SLC14A2: variants seen among roughly 807,000 people sequenced by gnomAD.
SLC14A2 encodes urea transporter 2.
A neutral mutation model predicts 104.6 loss-of-function variants in SLC14A2; 91 were observed. The observed-to-expected ratio is 0.87, with a 90% CI of 0.73 to 1.04. The LOEUF (loss-of-function observed/expected upper bound fraction) is 1.04. Ranked by LOEUF, SLC14A2 falls within the 50% of genes least tolerant of loss-of-function variation. The pLI, the probability that SLC14A2 is intolerant of heterozygous loss-of-function variation, is 0.00. For synonymous variants in SLC14A2, 476 were observed against 466.4 expected, an observed-to-expected ratio of 1.02 and a Z score of -0.27; for missense variants, 1,189 against 1,156.0, an observed-to-expected ratio of 1.03 and a Z score of -0.41.
rs1343770151 is a variant in SLC14A2 at position 45,637,053 on chromosome 18, G to A, written c.714G>A (p.Leu238=). The A allele has an allele frequency of 1.2e-6, 2 of 1,614,182 alleles. No homozygotes were observed. Among genetic ancestry groups the A allele is most frequent in the South Asian group, 1.1e-5 (1 of 91,082 alleles). The change falls in exon 6 of 20, where the codon CTG becomes CTA. Residue 238 remains leucine (L), a synonymous_variant. Coordinates refer to ENST00000255226, the MANE Select transcript of SLC14A2 (RefSeq NM_007163.4). Reference sequence around the variant, plus strand: ...AGTGGGACCTCCCGGTCTTCACTCTGCCCTTCAACATTGCAGTCACCTTGT... The same window carrying A: ...AGTGGGACCTCCCGGTCTTCACTCTACCCTTCAACATTGCAGTCACCTTGT... ...FSKWDLPVFT[L]PFNIAVTLYL...
chr18:45,366,893 C>T (rs926612642), intron 1 of SLC14A2, among the ~76,000 whole-genome samples: 1 of 152,134 alleles, frequency 6.6e-6, no homozygotes, highest in Admixed American at 6.5e-5. Context: ...GGATATCAGG[C>T]CAAGTAACGG....
chr18:45,589,055 A>G (rs2044610895), intron 2 of SLC14A2, among the ~76,000 whole-genome samples: 1 of 152,146 alleles, frequency 6.6e-6, no homozygotes, highest in Non-Finnish European at 1.5e-5. Context: ...TCAAACCTGC[A>G]GTTTTCTGAT....
intron 1 of SLC14A2, among the ~76,000 whole-genome samples, chr18:45,477,348 T>G (rs559790075): frequency 8.3e-4 from 127 of 152,302 alleles, no homozygotes; most frequent in Middle Eastern, 3.4e-3. Context: ...TGTTCCTTCC[T>G]TTGGATGCTT....
At chr18:45,505,583 T>C (rs1018386635) in intron 2 of SLC14A2, among the ~76,000 whole-genome samples, 1 of 152,118 alleles carries the variant, frequency 6.6e-6, no homozygotes, top group African/African-American at 2.4e-5. Flanking sequence ...AATGTGCTAA[T>C]TGCAAGGTCA....
intron 2 of SLC14A2, among the ~76,000 whole-genome samples, chr18:45,604,506 T>C (rs2044838287): frequency 1.3e-5 from 2 of 152,194 alleles, no homozygotes; most frequent in Admixed American, 6.5e-5. Flanking sequence ...GCTTTATAAA[T>C]GCATCAGGAA....
chr18:45,392,345 G>A (rs2085979550), intron 1 of SLC14A2, among the ~76,000 whole-genome samples: 1 of 152,164 alleles, frequency 6.6e-6, no homozygotes. Context: ...CTAAATATTT[G>A]AAAGGAGGAG....
At chr18:45,625,573 T>C in intron 2 of SLC14A2, 110 bp from the exon 3 acceptor site, 2 of 831,502 alleles carry the variant, frequency 2.4e-6, no homozygotes, top group Non-Finnish European at 3.6e-6. Context: ...CCACCCTTTG[T>C]CTCATGATCC....
At chr18:45,416,887 A>C (rs939735170) in intron 1 of SLC14A2, among the ~76,000 whole-genome samples, 7 of 152,214 alleles carry the variant, frequency 4.6e-5, no homozygotes, top group African/African-American at 1.7e-4. Flanking sequence ...CAGAAATCAC[A>C]ATGTGCTTCT....
At chr18:45,218,033 T>C (rs988770296) in intron 1 of SLC14A2, among the ~76,000 whole-genome samples, 6 of 152,194 alleles carry the variant, frequency 3.9e-5, no homozygotes, top group Non-Finnish European at 7.3e-5. Flanking sequence ...ATAAATAACA[T>C]AAAATTTACC....
chr18:45,494,326 C>A (rs994352736), intron 2 of SLC14A2, among the ~76,000 whole-genome samples: 6 of 152,332 alleles, frequency 3.9e-5, no homozygotes, highest in African/African-American at 1.2e-4. Flanking sequence ...TCATCATCAA[C>A]CCTGACAAGA....
chr18:45,589,439 G>A (rs1006623009), intron 2 of SLC14A2, among the ~76,000 whole-genome samples: 1 of 152,150 alleles, frequency 6.6e-6, no homozygotes, highest in Non-Finnish European at 1.5e-5. Flanking sequence ...CTCTGACTGT[G>A]ATTTTGTTTA....
chr18:45,663,112 T>G (rs1293948092), intron 10 of SLC14A2, among the ~76,000 whole-genome samples: 1 of 152,220 alleles, frequency 6.6e-6, no homozygotes, highest in Non-Finnish European at 1.5e-5. Context: ...GGTCAGGCTT[T>G]AATAAGCACA....
chr18:45,666,967 A>G lies in SLC14A2; in HGVS notation c.1590A>G (p.Ile530Met), dbSNP rs1263397216. The change falls in exon 13 of 20, where the codon ATA (isoleucine) becomes ATG (methionine). Residue 530 changes from isoleucine (I) to methionine (M), a missense_variant. Transcript: ENST00000255226. ...ACACCATGGAGGAGAGCTCTGAGATAAAAGTGGAAACAAACATTTCCAAGA... is the reference window on the plus strand; with the variant it reads ...ACACCATGGAGGAGAGCTCTGAGATGAAAGTGGAAACAAACATTTCCAAGA... ...DLDTMEESSEIKVETNISKTS... is the reference protein window; with the variant it reads ...DLDTMEESSEMKVETNISKTS... The G allele has an allele frequency of 6.2e-7, 1 of 1,614,174 alleles. No homozygotes were observed. Among genetic ancestry groups the G allele is most frequent in the Non-Finnish European group, 8.5e-7 (1 of 1,179,984 alleles).
chr18:45,531,093 C>A (rs1482874123), intron 2 of SLC14A2, among the ~76,000 whole-genome samples: 3 of 152,160 alleles, frequency 2.0e-5, no homozygotes, highest in Non-Finnish European at 4.4e-5. Context: ...TTAATCCAGT[C>A]TATCATTGTT....
the SLC14A2 span, among the ~76,000 whole-genome samples, chr18:45,177,719 A>G: frequency 6.6e-6 from 1 of 152,130 alleles, no homozygotes; most frequent in Non-Finnish European, 1.5e-5. Flanking sequence ...TTGTGGGATT[A>G]TTTGTGGGTC....
At chr18:45,653,560 C>T (rs1393428080) in intron 10 of SLC14A2, among the ~76,000 whole-genome samples, 1 of 152,084 alleles carries the variant, frequency 6.6e-6, no homozygotes, top group Non-Finnish European at 1.5e-5. Flanking sequence ...GGATTGGGCC[C>T]CCTCCCCAAA....
intron 2 of SLC14A2, among the ~76,000 whole-genome samples, chr18:45,553,692 A>G (rs1159641735): frequency 6.6e-6 from 1 of 152,200 alleles, no homozygotes; most frequent in Non-Finnish European, 1.5e-5. Context: ...AAGGACCTTC[A>G]ACGCTTAACC....
intron 1 of SLC14A2, among the ~76,000 whole-genome samples, chr18:45,235,839 A>ATATATATGTATATATACATATATGTG (rs2084222737): frequency 4.5e-5 from 4 of 88,152 alleles, no homozygotes; most frequent in African/African-American, 1.3e-4. Context: ...ATACGTGTAT[A>ATATATATGTATATATACATATATGTG]TATATATGTA....
At chr18:45,179,533 A>G in the SLC14A2 span, among the ~76,000 whole-genome samples, 1 of 152,210 alleles carries the variant, frequency 6.6e-6, no homozygotes, top group Non-Finnish European at 1.5e-5. Context: ...CTTTTGCCAC[A>G]TTGTAAGAAG....
Sources: allele counts gnomAD v4.1 joint callset (sites outside exome capture counted in the v4.1 genomes callset), GRCh38; gene constraint gnomAD v4.1.1; transcripts MANE v1.5; gene names NCBI Gene and HGNC (gene_info 2026-07-23, HGNC 2026-07-21).